Variants in HIVEP1 observed in about 807,000 individuals in gnomAD.
HIVEP1 encodes zinc finger protein 40.
A neutral mutation model predicts 180.0 loss-of-function variants in HIVEP1; 36 were observed. The ratio of observed to expected loss-of-function variants is 0.20; its 90% CI spans 0.15 to 0.26. The LOEUF (loss-of-function observed/expected upper bound fraction) is 0.26. Ranked by LOEUF, HIVEP1 falls within the 10% of genes least tolerant of loss-of-function variation. HIVEP1 has a pLI of 1.00. For missense variants in HIVEP1, 3,143 were observed against 3,268.7 expected (o/e 0.96, Z 0.94); for synonymous variants, 1,239 against 1,239.0 (o/e 1.00, Z 0.00).
intron 3 of HIVEP1, among the ~76,000 whole-genome samples, chr6:12,104,624 G>A (rs1324192480): frequency 6.6e-6 from 1 of 151,728 alleles, no homozygotes; most frequent in African/African-American, 2.4e-5. Context: ...TAGAGACAAA[G>A]TCTTGCTATA....
intron 2 of HIVEP1, among the ~76,000 whole-genome samples, chr6:12,019,170 G>C (rs556357577): frequency 6.6e-6 from 1 of 152,128 alleles, no homozygotes; most frequent in Non-Finnish European, 1.5e-5. Context: ...GGGAAGCGGC[G>C]GCTTCTGAGC....
At chr6:12,207,681 G>A in the HIVEP1 span, among the ~76,000 whole-genome samples, 13 of 151,328 alleles carry the variant, frequency 8.6e-5, no homozygotes, top group African/African-American at 3.1e-4. Flanking sequence ...AGGGCAAGGG[G>A]CTTACTTTAG....
Position 12,156,921 on chromosome 6 carries a change from C to T in HIVEP1, c.6488-4518C>T, listed in dbSNP as rs1041406448. On this transcript the variant is annotated intron_variant, in intron 7 of 8. Transcript: ENST00000379388. ...TTCTATTTATGTGTCCCATTAATTA[C>T]CGAGAGTGGATTATTGAAGTCTTCA... 9.9e-5 allele frequency among the ~76,000 whole-genome samples: 15 copies of T among 152,054 alleles called. No homozygotes were observed. In the East Asian group the frequency reaches 2.3e-3, roughly 23 times the overall value.
the HIVEP1 span, among the ~76,000 whole-genome samples, chr6:12,189,186 G>A: frequency 6.6e-6 from 1 of 151,650 alleles, no homozygotes; most frequent in African/African-American, 2.4e-5. Flanking sequence ...ATTTCAGATT[G>A]ATTAAATATT....
At chr6:12,178,203 G>T in the HIVEP1 span, among the ~76,000 whole-genome samples, 1 of 152,338 alleles carries the variant, frequency 6.6e-6, no homozygotes, top group Non-Finnish European at 1.5e-5. Flanking sequence ...TGCTTTATGT[G>T]TCTGACAGAG....
chr6:12,194,793 C>T, the HIVEP1 span, among the ~76,000 whole-genome samples: 1 of 152,106 alleles, frequency 6.6e-6, no homozygotes, highest in Non-Finnish European at 1.5e-5. Flanking sequence ...CAGAGCGAGA[C>T]TGTGTCTCAA....
At chr6:12,169,992 G>T (rs1206295522), downstream of HIVEP1, among the ~76,000 whole-genome samples, 1 of 151,998 alleles carries the variant, frequency 6.6e-6, no homozygotes, top group African/African-American at 2.4e-5. Context: ...GTGGTGGTGG[G>T]CACCTGTAGT....
At chr6:12,042,702 A>G (rs948027471) in intron 2 of HIVEP1, among the ~76,000 whole-genome samples, 1 of 152,084 alleles carries the variant, frequency 6.6e-6, no homozygotes, top group Admixed American at 6.5e-5. Flanking sequence ...AATATTTCTA[A>G]TAGAAATAGG....
At chr6:12,066,536 T>C (rs1029291254) in intron 2 of HIVEP1, among the ~76,000 whole-genome samples, 7 of 152,214 alleles carry the variant, frequency 4.6e-5, no homozygotes, top group African/African-American at 1.7e-4. Flanking sequence ...ATTACTGTTA[T>C]TTTTGGCCAG....
chr6:12,130,690 G>A (rs1027364203), intron 5 of HIVEP1, 77 bp from the exon 6 acceptor site: 2 of 754,618 alleles, frequency 2.7e-6, no homozygotes, highest in Non-Finnish European at 4.1e-6. Flanking sequence ...TTTATCTTTG[G>A]GTTGAATTTT....
chr6:12,042,271 C>T (rs1293363168), intron 2 of HIVEP1, among the ~76,000 whole-genome samples: 35 of 149,192 alleles, frequency 2.3e-4, no homozygotes, highest in Non-Finnish European at 3.7e-4. Flanking sequence ...TCAGTAGAGA[C>T]GGGGTTTCAC....
the HIVEP1 span, among the ~76,000 whole-genome samples, chr6:12,190,739 G>A: frequency 1.3e-5 from 2 of 152,044 alleles, no homozygotes; most frequent in Admixed American, 1.3e-4. Flanking sequence ...TCCCCAGGAT[G>A]GTAAACTCCT....
chr6:12,087,608 C>T (rs974640848), intron 2 of HIVEP1, among the ~76,000 whole-genome samples: 1 of 151,938 alleles, frequency 6.6e-6, no homozygotes, highest in South Asian at 2.1e-4. Flanking sequence ...TCATGTATTT[C>T]GTTTTTTAAA....
In HIVEP1 at chr6:12,135,925, T is replaced by G. The variant is rs746011237; in HGVS notation, c.6487+33T>G. On this transcript the variant is annotated intron_variant, in intron 7 of 8. Coordinates refer to ENST00000379388, the MANE Select transcript of HIVEP1 (RefSeq NM_002114.4). Reference sequence around the variant, plus strand: ...TTTATACCATATTTTTCATAAATGCTATTTATAATGTACAATTTTTTTGCT... The same window carrying G: ...TTTATACCATATTTTTCATAAATGCGATTTATAATGTACAATTTTTTTGCT... 1.2e-5 allele frequency: 17 copies of G among 1,391,156 alleles called. No homozygotes were observed. The Admixed American group carries it at 3.0e-4, about 25-fold the overall frequency. The allele number at this position is 1,391,156 out of a possible 1,614,324, so 86.2% of individuals were successfully genotyped here. A position where few individuals can be genotyped will look rare whatever the true frequency, so the allele number is the denominator to read the frequency against.
intron 3 of HIVEP1, among the ~76,000 whole-genome samples, chr6:12,099,041 T>G (rs116600050): frequency 0.01 from 1,590 of 152,198 alleles, 28 homozygotes; most frequent in African/African-American, 0.036. Flanking sequence ...TTAAAAGCAT[T>G]GCAATGAAAA....
chr6:12,177,997 T>C, the HIVEP1 span, among the ~76,000 whole-genome samples: 1 of 152,206 alleles, frequency 6.6e-6, no homozygotes, highest in Non-Finnish European at 1.5e-5. Context: ...AGTATAACTA[T>C]GAAAAGGGAA....
chr6:12,150,433 T>C (rs1472541271), intron 7 of HIVEP1, among the ~76,000 whole-genome samples: 1 of 152,172 alleles, frequency 6.6e-6, no homozygotes, highest in East Asian at 1.9e-4. Context: ...CTTGTTGGAG[T>C]TTAAGTACTT....
chr6:12,197,507 C>CAGT, the HIVEP1 span, among the ~76,000 whole-genome samples: 1 of 141,902 alleles, frequency 7.0e-6, no homozygotes, highest in Non-Finnish European at 1.5e-5. Flanking sequence ...GAGCCGAGGT[C>CAGT]GAGCCACTGC....
intron 2 of HIVEP1, among the ~76,000 whole-genome samples, chr6:12,024,854 A>G (rs1428504157): frequency 6.6e-6 from 1 of 152,194 alleles, no homozygotes; most frequent in East Asian, 1.9e-4. Flanking sequence ...AGAGAATTAC[A>G]CATTTTACAG....
Sources: gnomAD v4.1 joint callset for allele counts (sites outside exome capture counted in the v4.1 genomes callset) on GRCh38, gnomAD v4.1.1 for gene constraint, MANE v1.5 for transcripts, NCBI Gene and HGNC (gene_info 2026-07-23, HGNC 2026-07-21) for gene names.